The following DLC1 variants were observed in gnomAD, a reference collection of about 807,000 sequenced individuals.
The protein encoded by DLC1 is rho GTPase-activating protein 7.
DLC1 carries 54 observed loss-of-function variants against 140.3 expected under a neutral mutation model. That is an observed-to-expected ratio of 0.38 (90% CI 0.31 to 0.48). The LOEUF (loss-of-function observed/expected upper bound fraction) is 0.48, where lower values mean the gene tolerates loss of function less well. DLC1 is among the 20% of genes least tolerant of loss of function. The probability of loss-of-function intolerance (pLI) is 0.96; values close to 1 mark genes in which losing one functional copy is unlikely to be tolerated. For synonymous variants in DLC1, 986 were observed against 728.1 expected, an observed-to-expected ratio of 1.35 and a Z score of -5.70; for missense variants, 2,536 against 1,907.0, an observed-to-expected ratio of 1.33 and a Z score of -6.14.
chr8:13,532,406 G>A (rs545119403), intron 1 of DLC1, among the ~76,000 whole-genome samples: 2 of 152,336 alleles, frequency 1.3e-5, no homozygotes, highest in East Asian at 1.9e-4. Context: ...ATAAGAACAT[G>A]AATGGCAAAA....
At chr8:13,192,489 G>C (rs1262769763) in intron 5 of DLC1, among the ~76,000 whole-genome samples, 1 of 152,128 alleles carries the variant, frequency 6.6e-6, no homozygotes, top group Non-Finnish European at 1.5e-5. Context: ...TGCGTACATA[G>C]AAATGTTTCC....
intron 7 of DLC1, among the ~76,000 whole-genome samples, chr8:13,107,077 C>T (rs1335772268): frequency 6.6e-6 from 1 of 152,180 alleles, no homozygotes; most frequent in Non-Finnish European, 1.5e-5. Flanking sequence ...AAGATCAGGC[C>T]AAAGCCGTTT....
intron 4 of DLC1, among the ~76,000 whole-genome samples, chr8:13,335,968 A>T (rs1671359): frequency 0.86 from 130,056 of 152,022 alleles, 56,056 homozygotes; most frequent in East Asian, 0.95. Flanking sequence ...AAAACATTAA[A>T]TTATGTAATA....
At chr8:13,344,824 T>A (rs1452003877) in intron 4 of DLC1, among the ~76,000 whole-genome samples, 2 of 152,226 alleles carry the variant, frequency 1.3e-5, no homozygotes, top group Admixed American at 6.5e-5. Flanking sequence ...GACAGTGGGT[T>A]TCACTTTGTA....
intron 5 of DLC1, among the ~76,000 whole-genome samples, chr8:13,177,664 G>T (rs1044509069): frequency 1.3e-5 from 2 of 151,984 alleles, no homozygotes; most frequent in Non-Finnish European, 2.9e-5. Context: ...TGTAATCTAG[G>T]GCAAAAATGC....
At chr8:13,531,333 C>A (rs1803090368) in intron 1 of DLC1, among the ~76,000 whole-genome samples, 1 of 152,104 alleles carries the variant, frequency 6.6e-6, no homozygotes, top group Admixed American at 6.5e-5. Context: ...TGCCTGTAAT[C>A]CCAGCAATTT....
chr8:13,504,968 C>A (rs1187047096), intron 1 of DLC1, among the ~76,000 whole-genome samples: 2 of 151,870 alleles, frequency 1.3e-5, no homozygotes, highest in African/African-American at 4.8e-5. Flanking sequence ...AAAGTTGTCT[C>A]TGGGAGATGT....
intron 1 of DLC1, among the ~76,000 whole-genome samples, chr8:13,525,843 G>GT (rs1563420682): frequency 6.6e-6 from 1 of 152,140 alleles, no homozygotes; most frequent in East Asian, 1.9e-4. Context: ...ACTCTCAAGT[G>GT]TTTTTTTCTT....
At chr8:13,389,894 T>C (rs2117198770) in intron 4 of DLC1, among the ~76,000 whole-genome samples, 1 of 152,322 alleles carries the variant, frequency 6.6e-6, no homozygotes, top group East Asian at 1.9e-4. Context: ...TAGTTCATTA[T>C]AGTTTGATGT....
intron 4 of DLC1, among the ~76,000 whole-genome samples, chr8:13,318,814 C>T (rs868355462): frequency 6.6e-6 from 1 of 152,224 alleles, no homozygotes; most frequent in Admixed American, 6.5e-5. Flanking sequence ...AACCTTCCCT[C>T]TCTTCTTTCT....
At chr8:13,205,868 T>C (rs916373168) in intron 5 of DLC1, among the ~76,000 whole-genome samples, 1 of 152,206 alleles carries the variant, frequency 6.6e-6, no homozygotes, top group Non-Finnish European at 1.5e-5. Flanking sequence ...CAAGAGACCA[T>C]TGACATTTCT....
At chr8:13,453,550 ATATATAT>A (rs1799250946) in intron 2 of DLC1, among the ~76,000 whole-genome samples, 2 of 45,990 alleles carry the variant, frequency 4.3e-5, no homozygotes, top group African/African-American at 2.7e-4. Flanking sequence ...ATATATATAT[ATATATAT>A]TTTTTTTTTT....
chr8:13,487,247 G>T (rs2117145518), intron 2 of DLC1, among the ~76,000 whole-genome samples: 1 of 152,254 alleles, frequency 6.6e-6, no homozygotes. Context: ...GACAGATACT[G>T]AAAATGAATG....
At chr8:13,294,508 C>T (rs1831874132) in intron 5 of DLC1, among the ~76,000 whole-genome samples, 1 of 152,060 alleles carries the variant, frequency 6.6e-6, no homozygotes, top group Non-Finnish European at 1.5e-5. Flanking sequence ...GAAGCCAGGA[C>T]ACAAATGAGT....
intron 5 of DLC1, among the ~76,000 whole-genome samples, chr8:13,286,387 T>C (rs1356500736): frequency 6.6e-6 from 1 of 152,034 alleles, no homozygotes; most frequent in African/African-American, 2.4e-5. Flanking sequence ...TAAATTTTAT[T>C]ACAATAAATA....
intron 2 of DLC1, among the ~76,000 whole-genome samples, chr8:13,403,304 T>C (rs1481676): frequency 0.24 from 36,839 of 152,112 alleles, 5,231 homozygotes; most frequent in Admixed American, 0.29. Flanking sequence ...ATGTATCTTA[T>C]CCCTCACTGC....
At position 13,085,619 on chromosome 8, in the gene DLC1, G is replaced by C. The variant is rs1032540499; in HGVS notation, c.*192C>G. The C allele has an allele frequency of 9.6e-6, 7 of 728,280 alleles. No homozygotes were observed. The African/African-American group carries it at 1.1e-4, about 11-fold the overall frequency. The allele number at this position is 728,280 out of a possible 1,614,324, so 45.1% of individuals were successfully genotyped here. A position where few individuals can be genotyped will look rare whatever the true frequency, so the allele number is the denominator to read the frequency against. On this transcript the variant is annotated 3_prime_UTR_variant, in exon 18 of 18. Transcript: ENST00000276297. ...CACAGTCTTACATATTCCAGTCAAG[G>C]TCTATGAATACAGACCCTCAACAAA...
chr8:13,595,878 C>G (rs2117485423), intron 1 of DLC1, among the ~76,000 whole-genome samples: 1 of 152,002 alleles, frequency 6.6e-6, no homozygotes, highest in African/African-American at 2.4e-5. Context: ...TGTAGGCAGC[C>G]TATGATAATT....
chr8:13,461,988 G>A (rs1027196713), intron 2 of DLC1, among the ~76,000 whole-genome samples: 1 of 152,170 alleles, frequency 6.6e-6, no homozygotes, highest in African/African-American at 2.4e-5. Flanking sequence ...GTAGTGGAGA[G>A]AAAGCCCCGT....
Sources: gnomAD v4.1 joint callset for allele counts (sites outside exome capture counted in the v4.1 genomes callset) on GRCh38, gnomAD v4.1.1 for gene constraint, MANE v1.5 for transcripts, NCBI Gene and HGNC (gene_info 2026-07-23, HGNC 2026-07-21) for gene names.